NSD2: variants seen among roughly 807,000 people sequenced by gnomAD.
The protein encoded by NSD2 is histone-lysine N-methyltransferase NSD2.
NSD2 carries 12 observed loss-of-function variants against 139.0 expected under a neutral mutation model. The observed-to-expected ratio is 0.09, with a 90% CI of 0.06 to 0.14. The LOEUF (loss-of-function observed/expected upper bound fraction) is 0.14. Among genes scored for constraint, NSD2 ranks in the 10% least tolerant of loss-of-function variants. The pLI is 1.00. For missense variants in NSD2, 1,155 were observed against 1,745.0 expected (o/e 0.66, Z 6.02); for synonymous variants, 669 against 648.7 (o/e 1.03, Z -0.48).
At chr4:1,963,752 G>T (rs1323366267) in intron 18 of NSD2, among the ~76,000 whole-genome samples, 1 of 152,162 alleles carries the variant, frequency 6.6e-6, no homozygotes, top group African/African-American at 2.4e-5. Flanking sequence ...AGTGGCCCAC[G>T]CCTGTAATCC....
chr4:1,889,493 C>A (rs1026348618), intron 1 of NSD2, among the ~76,000 whole-genome samples: 1 of 151,872 alleles, frequency 6.6e-6, no homozygotes, highest in Non-Finnish European at 1.5e-5. Context: ...CCACGCCCGG[C>A]CAAGATTTGA....
rs761633450 is a variant in NSD2, at chr4:1,956,228, G to T, written c.2881+40G>T. 1 of 1,495,950 alleles carries T rather than the reference G, an allele frequency of 6.7e-7. No individual in the cohort carries two copies. Among genetic ancestry groups the T allele is most frequent in the Non-Finnish European group, 9.0e-7 (1 of 1,110,942 alleles). 92.7% of individuals were successfully genotyped at this position (1,495,950 alleles called of 1,614,324 possible). A position where few individuals can be genotyped will look rare whatever the true frequency, so the allele number is the denominator to read the frequency against. On this transcript the variant is annotated intron_variant, in intron 15 of 21. Transcript: ENST00000508803. The surrounding 1 kb of genome is among the most constrained non-coding windows in gnomAD (Gnocchi z 5.3). Reference sequence around the variant, plus strand: ...AGATAGAGAGTGAGACAGCACTCTCGTGCATTTTCTTACCCCTAATTTCTA... The same window carrying T: ...AGATAGAGAGTGAGACAGCACTCTCTTGCATTTTCTTACCCCTAATTTCTA...
intron 11 of NSD2, among the ~76,000 whole-genome samples, chr4:1,952,599 C>T (rs567295274): frequency 6.6e-5 from 10 of 152,328 alleles, no homozygotes; most frequent in South Asian, 4.1e-4. Flanking sequence ...TACAGGTAAC[C>T]TGGTTGGTCA....
chr4:1,873,608 C>G (rs1714030797), intron 1 of NSD2, among the ~76,000 whole-genome samples: 1 of 152,172 alleles, frequency 6.6e-6, no homozygotes, highest in Non-Finnish European at 1.5e-5. Context: ...TCCTGTGGGG[C>G]TTACATGGGT....
At chr4:1,937,296 C>T (rs1335335223) in intron 7 of NSD2, among the ~76,000 whole-genome samples, 5 of 152,074 alleles carry the variant, frequency 3.3e-5, no homozygotes, top group Admixed American at 6.6e-5. Context: ...TCAAGTGATC[C>T]GCCCACCTCC....
At chr4:1,919,032 G>C (rs1393379135) in intron 5 of NSD2, 1 of 174,842 alleles carries the variant, frequency 5.7e-6, no homozygotes, top group Non-Finnish European at 1.2e-5. Context: ...CCAGCTGCTT[G>C]GGAGACTGAG....
chr4:1,920,630 G>A (rs1719995690), intron 5 of NSD2, among the ~76,000 whole-genome samples: 1 of 152,134 alleles, frequency 6.6e-6, no homozygotes, highest in South Asian at 2.1e-4. Flanking sequence ...TTCTCCTTGG[G>A]AGGTTGAGGT....
At chr4:1,918,028 G>T in intron 4 of NSD2, 113 bp from the exon 5 acceptor site, 2 of 1,320,592 alleles carry the variant, frequency 1.5e-6, no homozygotes, top group Non-Finnish European at 2.0e-6. Flanking sequence ...TGATCCATCT[G>T]CCTTGACACC....
intron 3 of NSD2, among the ~76,000 whole-genome samples, chr4:1,915,108 T>TC (rs1719190711): frequency 6.8e-6 from 1 of 147,270 alleles, no homozygotes; most frequent in African/African-American, 2.5e-5. Flanking sequence ...TTTCTTTTTT[T>TC]CTCTTTTTTT....
At chr4:1,890,778 A>G (rs62286995) in intron 1 of NSD2, among the ~76,000 whole-genome samples, 5,051 of 151,636 alleles carry the variant, frequency 0.033, 125 homozygotes, top group Non-Finnish European at 0.05. Flanking sequence ...TTCTATTTTT[A>G]GTAGAGACGG....
intron 5 of NSD2, among the ~76,000 whole-genome samples, chr4:1,926,361 G>C (rs1370472846): frequency 1.3e-5 from 2 of 150,892 alleles, no homozygotes; most frequent in East Asian, 2.0e-4. Flanking sequence ...CACCATGTTG[G>C]CCAGGCTGGT....
chr4:1,895,353 G>C (rs907827000), intron 1 of NSD2, among the ~76,000 whole-genome samples: 2 of 152,116 alleles, frequency 1.3e-5, no homozygotes, highest in African/African-American at 4.8e-5. Context: ...CTTGCTCATA[G>C]TAGGCACTTT....
chr4:1,975,010 A>G lies in NSD2; in HGVS notation c.3514+6A>G. 1.2e-6 allele frequency: 2 copies of G among 1,614,044 alleles called. No homozygotes were observed. The highest frequency in any genetic ancestry group is 1.7e-6 in the Non-Finnish European group (2 of 1,180,004). On this transcript the variant is annotated splice_donor_region_variant and intron_variant, in intron 19 of 21. Transcript: ENST00000508803. The stretch of plus-strand genomic sequence containing the variant: ...CGTCTGTGACATTCCTGCAGGTACA[A>G]GCTCTGGGGACCCTGCATGGGGCTC...
intron 6 of NSD2, among the ~76,000 whole-genome samples, chr4:1,933,685 C>T (rs465686): frequency 7.2e-5 from 11 of 152,244 alleles, no homozygotes; most frequent in African/African-American, 1.7e-4. Context: ...TGAGCCACCG[C>T]GCCCGGCCCT....
At chr4:1,940,010 G>C in intron 9 of NSD2, 1 of 1,387,666 alleles carries the variant, frequency 7.2e-7, no homozygotes, top group Non-Finnish European at 9.3e-7. Flanking sequence ...CTGTGTACAT[G>C]TACAGATATA....
intron 18 of NSD2, among the ~76,000 whole-genome samples, chr4:1,970,367 G>C (rs1230931817): frequency 6.6e-6 from 1 of 152,218 alleles, no homozygotes; most frequent in Non-Finnish European, 1.5e-5. Flanking sequence ...CTCTCTGGGT[G>C]TAACAGCTAC....
At chr4:1,971,476 G>A (rs1260142600) in intron 18 of NSD2, among the ~76,000 whole-genome samples, 1 of 152,082 alleles carries the variant, frequency 6.6e-6, no homozygotes, top group Non-Finnish European at 1.5e-5. Context: ...CAGCACTGTC[G>A]AAAAGAAGGA....
Position 1,948,258 on chromosome 4 carries a change from C to T in NSD2, c.1882-2814C>T, listed in dbSNP as rs962606032. ...GAAAGTTCTTGACAGAGTCTGTGTC[C>T]GCTCAGTCCCTGCACTTTTCCTTTC... On this transcript the variant is annotated intron_variant, in intron 9 of 21. Transcript: ENST00000508803. This position sits in a 1 kb window ranked among gnomAD's most constrained non-coding sequence, Gnocchi z 4.5. 34 of 1,064,750 alleles carry T rather than the reference C, an allele frequency of 3.2e-5. No homozygotes were observed. Among genetic ancestry groups the T allele is most frequent in the Middle Eastern group, 4.1e-4 (1 of 2,410 alleles). 66.0% of individuals were successfully genotyped at this position (1,064,750 alleles called of 1,614,324 possible).
chr4:1,958,567 C>G lies in NSD2; in HGVS notation c.2985+531C>G, dbSNP rs1489873974. ...CCCTCAGGGCTGCCTGCGCTCAGAG[C>G]TGGTGCGGCAAGCCGCATCCCCAGG... is the stretch of plus-strand genomic sequence containing the variant. On this transcript the variant is annotated intron_variant, in intron 16 of 21. Coordinates refer to ENST00000508803, the MANE Select transcript of NSD2 (RefSeq NM_001042424.3). The surrounding 1 kb of genome is among the most constrained non-coding windows in gnomAD (Gnocchi z 4.6). Among the ~76,000 whole-genome samples the G allele has an allele frequency of 4.6e-5, 7 of 152,276 alleles. No homozygotes were observed. Among genetic ancestry groups the G allele is most frequent in the Admixed American group, 2.0e-4 (3 of 15,292 alleles).
Sources: allele counts gnomAD v4.1 joint callset (sites outside exome capture counted in the v4.1 genomes callset), GRCh38; gene constraint gnomAD v4.1.1; non-coding constraint Gnocchi (gnomAD v3.1); transcripts MANE v1.5; gene names NCBI Gene and HGNC (gene_info 2026-07-23, HGNC 2026-07-21).